WNT3A: variants seen among roughly 807,000 people sequenced by gnomAD.
The protein encoded by WNT3A is protein Wnt-3a.
WNT3A carries 17 observed loss-of-function variants against 37.0 expected under a neutral mutation model. The observed-to-expected ratio is 0.46, with a 90% CI of 0.31 to 0.69. The LOEUF is 0.69. Among genes scored for constraint, WNT3A ranks in the 30% least tolerant of loss-of-function variants. The pLI, the probability that WNT3A is intolerant of heterozygous loss-of-function variation, is 0.05. For synonymous variants in WNT3A, 187 were observed against 211.0 expected, an observed-to-expected ratio of 0.89 and a Z score of 0.99; for missense variants, 411 against 510.2, an observed-to-expected ratio of 0.81 and a Z score of 1.87.
rs2030288687 is a variant in WNT3A at position 228,008,940 on chromosome 1, C to T, written c.71+1741C>T. On this transcript the variant is annotated intron_variant, in intron 1 of 3. Coordinates refer to ENST00000284523, the MANE Select transcript of WNT3A (RefSeq NM_033131.4). The surrounding 1 kb of genome is among the most constrained non-coding windows in gnomAD (Gnocchi z 4.9). ...CCCTGAATGGACCCTGAGACACCCT[C>T]GGGGACAGTCAGGCATTCTGCAGGG... is the stretch of plus-strand genomic sequence containing the variant. Among the ~76,000 whole-genome samples the T allele has an allele frequency of 6.6e-6, 1 of 152,096 alleles. No homozygotes were observed.
At chr1:228,045,811 T>G (rs1466875439) in intron 2 of WNT3A, among the ~76,000 whole-genome samples, 1 of 152,196 alleles carries the variant, frequency 6.6e-6, no homozygotes, top group Non-Finnish European at 1.5e-5. Context: ...AGGGTGGGTC[T>G]GCTCTGGGTA....
rs375574099 is a variant in WNT3A at position 228,029,740 on chromosome 1, A to ACC, written c.313+6841_313+6842dup. 8.9e-4 allele frequency among the ~76,000 whole-genome samples: 94 copies of ACC among 106,048 alleles called. No individual in the cohort carries two copies. In the East Asian group the frequency reaches 0.022, roughly 25 times the overall value. The allele number at this position is 106,048 out of a possible 152,430, so 69.6% of individuals were successfully genotyped here. On this transcript the variant is annotated intron_variant, in intron 2 of 3. Coordinates refer to ENST00000284523, the MANE Select transcript of WNT3A (RefSeq NM_033131.4). ...CGCAATAGTATGAATGCTTGTGCCC[A>ACC]CCCCCCCCCCAATTCCTACATTGAA...
rs1405684934 is a variant in WNT3A at position 228,038,140 on chromosome 1, G to A, written c.314-12516G>A. ...GGCGCGGGCCGCATTCCGCTCTCAG[G>A]TGGCTCCGGGGCCTTTTGTGCAGGC... is the stretch of plus-strand genomic sequence containing the variant. On this transcript the variant is annotated intron_variant, in intron 2 of 3. Transcript: ENST00000284523. The surrounding 1 kb of genome is among the most constrained non-coding windows in gnomAD (Gnocchi z 5.7). Among the ~76,000 whole-genome samples the A allele has an allele frequency of 1.3e-5, 2 of 151,978 alleles. No individual in the cohort carries two copies. Among genetic ancestry groups the A allele is most frequent in the Non-Finnish European group, 2.9e-5 (2 of 67,928 alleles).
intron 1 of WNT3A, among the ~76,000 whole-genome samples, chr1:228,021,107 A>G (rs991024734): frequency 7.9e-5 from 12 of 152,206 alleles, no homozygotes; most frequent in African/African-American, 2.9e-4. Context: ...AAGCACTCAC[A>G]TAACCAACAT....
intron 2 of WNT3A, among the ~76,000 whole-genome samples, chr1:228,041,158 T>C (rs896443862): frequency 6.6e-6 from 1 of 151,942 alleles, no homozygotes; most frequent in Admixed American, 6.6e-5. Flanking sequence ...GCCCATTAAA[T>C]CCAAACCTAG....
chr1:228,009,440 T>A (rs916298390), intron 1 of WNT3A, among the ~76,000 whole-genome samples: 9 of 152,190 alleles, frequency 5.9e-5, no homozygotes, highest in African/African-American at 2.2e-4. Context: ...TCTGGTCTTC[T>A]ACCCAGTAGA....
At chr1:228,053,445 A>G (rs1179034612) in intron 3 of WNT3A, among the ~76,000 whole-genome samples, 1 of 152,200 alleles carries the variant, frequency 6.6e-6, no homozygotes, top group African/African-American at 2.4e-5. Context: ...CCAAAAAAGC[A>G]CTCACATTGA....
In WNT3A at chr1:228,039,061, C is replaced by T. The variant is rs1571806616; in HGVS notation, c.314-11595C>T. 6.6e-6 allele frequency among the ~76,000 whole-genome samples: 1 copy of T among 152,130 alleles called. No individual in the cohort carries two copies. Among genetic ancestry groups the T allele is most frequent in the African/African-American group, 2.4e-5 (1 of 41,420 alleles). On this transcript the variant is annotated intron_variant, in intron 2 of 3. Transcript: ENST00000284523. This position sits in a 1 kb window ranked among gnomAD's most constrained non-coding sequence, Gnocchi z 4.1. Reference sequence around the variant, plus strand: ...TGGACTGGCCACCATGGAGTCCTGCCCTCGGCCAGTGCATCCCTGCCAGAG... The same window carrying T: ...TGGACTGGCCACCATGGAGTCCTGCTCTCGGCCAGTGCATCCCTGCCAGAG...
intron 2 of WNT3A, among the ~76,000 whole-genome samples, chr1:228,040,309 G>A (rs2031247794): frequency 1.3e-5 from 2 of 152,250 alleles, no homozygotes; most frequent in South Asian, 4.1e-4. Flanking sequence ...TACAAGGATC[G>A]GCTTGGACCT....
At position 228,042,922 on chromosome 1, in the gene WNT3A, G is replaced by A. The variant is rs887956696; in HGVS notation, c.314-7734G>A. On this transcript the variant is annotated intron_variant, in intron 2 of 3. Transcript: ENST00000284523. This position sits in a 1 kb window ranked among gnomAD's most constrained non-coding sequence, Gnocchi z 5.2. ...GTACATGATGGATAGTAGATATATG[G>A]ATGATGGATGGATGGATGGTGAATG... Among the ~76,000 whole-genome samples, 1 of 151,946 alleles carries A rather than the reference G, an allele frequency of 6.6e-6. No individual in the cohort carries two copies. The highest frequency in any genetic ancestry group is 2.4e-5 in the African/African-American group (1 of 41,356).
At chr1:228,025,451 C>T (rs943305676) in intron 2 of WNT3A, among the ~76,000 whole-genome samples, 8 of 151,900 alleles carry the variant, frequency 5.3e-5, no homozygotes, top group Admixed American at 1.3e-4. Context: ...CAGGTTCAAG[C>T]GATCCTCCTG....
chr1:228,047,619 TA>T (rs1436648498), intron 2 of WNT3A, among the ~76,000 whole-genome samples: 2 of 152,148 alleles, frequency 1.3e-5, no homozygotes, highest in Non-Finnish European at 2.9e-5. Context: ...TGCATTGCTA[TA>T]AAGAAACACT....
At chr1:228,025,442 A>G (rs1048440272) in intron 2 of WNT3A, among the ~76,000 whole-genome samples, 1 of 151,854 alleles carries the variant, frequency 6.6e-6, no homozygotes, top group African/African-American at 2.4e-5. Flanking sequence ...TTGACCTTCC[A>G]GGTTCAAGCG....
chr1:228,010,784 C>T (rs1431990531), intron 1 of WNT3A, among the ~76,000 whole-genome samples: 1 of 152,220 alleles, frequency 6.6e-6, no homozygotes, highest in African/African-American at 2.4e-5. Context: ...CCAGGGTCTC[C>T]CTCACATCCC....
At chr1:228,056,870 C>T (rs1553311124) in intron 3 of WNT3A, among the ~76,000 whole-genome samples, 1 of 152,134 alleles carries the variant, frequency 6.6e-6, no homozygotes, top group Non-Finnish European at 1.5e-5. Flanking sequence ...AGTAATAATA[C>T]TTTTTGAACT....
intron 3 of WNT3A, among the ~76,000 whole-genome samples, chr1:228,055,211 T>C (rs1171689507): frequency 6.4e-5 from 7 of 109,314 alleles, no homozygotes; most frequent in African/African-American, 2.3e-4. Context: ...TATATATATA[T>C]ATATATATAC....
At position 228,059,367 on chromosome 1, in the gene WNT3A, G is replaced by C. The variant is rs1199059579; in HGVS notation, c.961G>C (p.Glu321Gln). The change falls in exon 4 of 4, where the codon GAG becomes CAG. Residue 321 changes from glutamate to glutamine, a missense_variant. Physicochemically the swap from Glu to Gln is conservative, Grantham distance 29. Coordinates refer to ENST00000284523, the MANE Select transcript of WNT3A (RefSeq NM_033131.4). ...CCGRGHNARA[E>Q]RRREKCRCVF... ...CGGCCGCGGCCACAACGCGCGAGCG[G>C]AGCGGCGCCGGGAGAAGTGCCGCTG... 2.6e-6 allele frequency: 4 copies of C among 1,563,352 alleles called. No individual in the cohort carries two copies. Among genetic ancestry groups the C allele is most frequent in the South Asian group, 1.2e-5 (1 of 86,546 alleles).
chr1:228,058,192 A>T (rs1211378879), intron 3 of WNT3A, among the ~76,000 whole-genome samples: 1 of 152,218 alleles, frequency 6.6e-6, no homozygotes, highest in Non-Finnish European at 1.5e-5. Context: ...ATTATGAATG[A>T]GCTGTTTCTC....
At chr1:228,015,570 C>T (rs771674765) in intron 1 of WNT3A, among the ~76,000 whole-genome samples, 1 of 152,128 alleles carries the variant, frequency 6.6e-6, no homozygotes, top group Non-Finnish European at 1.5e-5. Context: ...AGCCTCTCCC[C>T]GGGGACTGGG....
Sources: gnomAD v4.1 joint callset for allele counts (sites outside exome capture counted in the v4.1 genomes callset) on GRCh38, gnomAD v4.1.1 for gene constraint, Gnocchi (gnomAD v3.1) non-coding constraint, MANE v1.5 for transcripts, NCBI Gene and HGNC (gene_info 2026-07-23, HGNC 2026-07-21) for gene names.